Variants in RSPO2 observed in about 807,000 individuals in gnomAD.
The protein encoded by RSPO2 is R-spondin 2.
In RSPO2, 14 loss-of-function variants were observed where a neutral mutation model predicts 30.9. The ratio of observed to expected loss-of-function variants is 0.45; its 90% CI spans 0.30 to 0.71. The LOEUF is 0.71. Among genes scored for constraint, RSPO2 ranks in the 30% least tolerant of loss-of-function variants. The probability of loss-of-function intolerance (pLI) is 0.08; values close to 1 mark genes in which losing one functional copy is unlikely to be tolerated. For synonymous variants in RSPO2, 107 were observed against 96.4 expected, an observed-to-expected ratio of 1.11 and a Z score of -0.64; for missense variants, 264 against 301.9, an observed-to-expected ratio of 0.87 and a Z score of 0.93.
At chr8:108,029,480 A>T (rs1346881276) in intron 2 of RSPO2, among the ~76,000 whole-genome samples, 1 of 152,190 alleles carries the variant, frequency 6.6e-6, no homozygotes, top group Non-Finnish European at 1.5e-5. Flanking sequence ...TACAAAATCA[A>T]CAGCTAAGAT....
At chr8:107,909,259 G>GTTGTTTT (rs778793029) in intron 5 of RSPO2, among the ~76,000 whole-genome samples, 1 of 91,590 alleles carries the variant, frequency 1.1e-5, no homozygotes, top group Non-Finnish European at 2.3e-5. Flanking sequence ...TTTCCCAGTT[G>GTTGTTTT]TTTTTTTTTT....
At chr8:108,079,135 A>T (rs949768644) in intron 2 of RSPO2, among the ~76,000 whole-genome samples, 10 of 152,218 alleles carry the variant, frequency 6.6e-5, no homozygotes, top group Non-Finnish European at 1.0e-4. Flanking sequence ...GCCAATCATG[A>T]CTATTTTGAA....
At chr8:107,925,375 TTG>T (rs144314039) in intron 5 of RSPO2, among the ~76,000 whole-genome samples, 18,094 of 151,208 alleles carry the variant, frequency 0.12, 1,419 homozygotes, top group Middle Eastern at 0.31. Context: ...GACAAAGGAT[TTG>T]TGTTTTTTTT....
intron 3 of RSPO2, 85 bp downstream of exon 3, chr8:107,988,970 TA>T: frequency 7.9e-7 from 1 of 1,258,612 alleles, no homozygotes; most frequent in Non-Finnish European, 1.1e-6. Context: ...ACATTTTTTT[TA>T]AAAAAATCAT....
intron 5 of RSPO2, among the ~76,000 whole-genome samples, chr8:107,932,433 AT>A (rs1269196909): frequency 6.6e-6 from 1 of 152,184 alleles, no homozygotes; most frequent in African/African-American, 2.4e-5. Flanking sequence ...ATTAGATGTC[AT>A]TTTAGATATT....
At chr8:108,063,962 A>C (rs1212154490) in intron 2 of RSPO2, among the ~76,000 whole-genome samples, 2 of 152,230 alleles carry the variant, frequency 1.3e-5, no homozygotes, top group African/African-American at 2.4e-5. Context: ...GTGCTGGGAA[A>C]ACTGGCTAGC....
chr8:108,003,051 A>AT lies in RSPO2; in HGVS notation c.95-13808dup, dbSNP rs35346404. 3.8e-3 allele frequency among the ~76,000 whole-genome samples: 514 copies of AT among 136,344 alleles called. 2 individuals are homozygous for AT. The highest frequency in any genetic ancestry group is 0.017 in the East Asian group (83 of 4,752). 89.4% of individuals were successfully genotyped at this position (136,344 alleles called of 152,430 possible). On this transcript the variant is annotated intron_variant, in intron 2 of 5. Coordinates refer to ENST00000276659, the MANE Select transcript of RSPO2 (RefSeq NM_178565.5). ...CTTGCACAGAATTTAGACCTCAATA[A>AT]TTTTTTTTTTTTTTTTTGAGACAGA...
intron 3 of RSPO2, among the ~76,000 whole-genome samples, chr8:107,963,395 G>A (rs1813693963): frequency 6.6e-6 from 1 of 151,742 alleles, no homozygotes. Flanking sequence ...ATGGTGGTAT[G>A]TGCCTGTTGG....
At chr8:108,049,234 AC>A (rs1179525738) in intron 2 of RSPO2, among the ~76,000 whole-genome samples, 1 of 151,996 alleles carries the variant, frequency 6.6e-6, no homozygotes, top group Non-Finnish European at 1.5e-5. Context: ...GTACCCTAGA[AC>A]TTAAAGTATA....
intron 5 of RSPO2, among the ~76,000 whole-genome samples, chr8:107,926,969 C>G (rs2130330531): frequency 6.6e-6 from 1 of 152,208 alleles, no homozygotes; most frequent in South Asian, 2.1e-4. Flanking sequence ...GGCATTGAAT[C>G]TATAAATTAC....
At chr8:107,943,644 A>G (rs1317115626) in intron 5 of RSPO2, among the ~76,000 whole-genome samples, 1 of 152,244 alleles carries the variant, frequency 6.6e-6, no homozygotes, top group Non-Finnish European at 1.5e-5. Context: ...ACACAGCTGC[A>G]GAAGCAACCC....
chr8:107,922,214 C>T (rs1158703506), intron 5 of RSPO2, among the ~76,000 whole-genome samples: 2 of 152,144 alleles, frequency 1.3e-5, no homozygotes, highest in East Asian at 3.9e-4. Context: ...ACAGCCTCAG[C>T]CCTAAAGCTC....
At chr8:107,916,133 T>C (rs1811974889) in intron 5 of RSPO2, among the ~76,000 whole-genome samples, 1 of 152,212 alleles carries the variant, frequency 6.6e-6, no homozygotes, top group Admixed American at 6.5e-5. Context: ...AATAAGTTCT[T>C]AAATCAAGTA....
intron 5 of RSPO2, among the ~76,000 whole-genome samples, chr8:107,939,478 C>CTTT (rs10558817): frequency 7.1e-6 from 1 of 140,456 alleles, no homozygotes; most frequent in Admixed American, 7.0e-5. Context: ...ATTAAATTAT[C>CTTT]TTTTTTTTTT....
At chr8:108,081,684 G>A (rs1402498519) in intron 2 of RSPO2, among the ~76,000 whole-genome samples, 1 of 152,096 alleles carries the variant, frequency 6.6e-6, no homozygotes, top group Non-Finnish European at 1.5e-5. Context: ...GCAGGAAAGC[G>A]AGTTCCCCGA....
chr8:107,955,443 C>T (rs764160021), intron 5 of RSPO2, among the ~76,000 whole-genome samples: 2 of 151,982 alleles, frequency 1.3e-5, no homozygotes, highest in Non-Finnish European at 2.9e-5. Context: ...AGAAACCTTA[C>T]AGGTTATGCT....
intron 3 of RSPO2, among the ~76,000 whole-genome samples, chr8:107,962,901 T>G (rs1171071470): frequency 6.6e-6 from 1 of 152,144 alleles, no homozygotes; most frequent in Non-Finnish European, 1.5e-5. Flanking sequence ...CAATAAGCTT[T>G]TTGGCCAAAA....
At chr8:108,047,470 A>G (rs1405960422) in intron 2 of RSPO2, among the ~76,000 whole-genome samples, 2 of 152,188 alleles carry the variant, frequency 1.3e-5, no homozygotes, top group African/African-American at 4.8e-5. Flanking sequence ...TAACAAAATT[A>G]AAGTTGTAGA....
At chr8:108,036,718 T>C (rs1554584184) in intron 2 of RSPO2, among the ~76,000 whole-genome samples, 1 of 152,226 alleles carries the variant, frequency 6.6e-6, no homozygotes, top group Non-Finnish European at 1.5e-5. Flanking sequence ...TTTTATATAT[T>C]GAAGGTTTCT....
Sources: gnomAD v4.1 joint callset for allele counts (sites outside exome capture counted in the v4.1 genomes callset) on GRCh38, gnomAD v4.1.1 for gene constraint, MANE v1.5 for transcripts, NCBI Gene and HGNC (gene_info 2026-07-23, HGNC 2026-07-21) for gene names.